TXLNB: variants seen among roughly 807,000 people sequenced by gnomAD.
The protein encoded by TXLNB is beta-taxilin.
In TXLNB, 37 loss-of-function variants were observed where a neutral mutation model predicts 57.4. The ratio of observed to expected loss-of-function variants is 0.64; its 90% CI spans 0.50 to 0.85. TXLNB has a LOEUF of 0.85. Ranked by LOEUF, TXLNB falls within the 40% of genes least tolerant of loss-of-function variation. The probability of loss-of-function intolerance (pLI) is 0.00; values close to 1 mark genes in which losing one functional copy is unlikely to be tolerated. For missense variants in TXLNB, 848 were observed against 825.6 expected, an observed-to-expected ratio of 1.03 and a Z score of -0.33; for synonymous variants, 302 against 309.6, an observed-to-expected ratio of 0.98 and a Z score of 0.26.
intron 3 of TXLNB, among the ~76,000 whole-genome samples, chr6:139,272,805 A>G (rs1036034960): frequency 1.3e-5 from 2 of 152,224 alleles, no homozygotes; most frequent in Admixed American, 1.3e-4. Flanking sequence ...AGGCTGAGGC[A>G]GGCGGATCAC....
At chr6:139,222,656 A>G in the TXLNB span, among the ~76,000 whole-genome samples, 1 of 152,114 alleles carries the variant, frequency 6.6e-6, no homozygotes, top group African/African-American at 2.4e-5. Context: ...AAAATACAAA[A>G]TTAGCCGGGC....
At chr6:139,322,162 C>T in the TXLNB span, among the ~76,000 whole-genome samples, 7 of 152,110 alleles carry the variant, frequency 4.6e-5, no homozygotes, top group Non-Finnish European at 8.8e-5. Flanking sequence ...ATCTCTGCTT[C>T]GGCATTATCA....
At chr6:139,293,370 G>A (rs550236425), upstream of TXLNB, among the ~76,000 whole-genome samples, 3 of 152,180 alleles carry the variant, frequency 2.0e-5, no homozygotes, top group East Asian at 5.8e-4. Flanking sequence ...GATTATAAGC[G>A]TGAGCCATTG....
intron 4 of TXLNB, among the ~76,000 whole-genome samples, chr6:139,266,651 A>G (rs1776622358): frequency 6.6e-6 from 1 of 152,186 alleles, no homozygotes; most frequent in Non-Finnish European, 1.5e-5. Flanking sequence ...TTAGAAGGGA[A>G]GAAGATGGAG....
chr6:139,181,159 A>C, the TXLNB span, among the ~76,000 whole-genome samples: 1 of 152,396 alleles, frequency 6.6e-6, no homozygotes, highest in South Asian at 2.1e-4. Context: ...CCACATAGCC[A>C]AAACTTAAGT....
chr6:139,281,794 C>T (rs1401533517), intron 2 of TXLNB, among the ~76,000 whole-genome samples: 1 of 115,186 alleles, frequency 8.7e-6, no homozygotes, highest in Admixed American at 7.7e-5. Flanking sequence ...GTGATCCGCC[C>T]GCCTCGGCCT....
At chr6:139,275,021 T>C (rs368984121) in intron 3 of TXLNB, among the ~76,000 whole-genome samples, 3 of 152,250 alleles carry the variant, frequency 2.0e-5, no homozygotes, top group South Asian at 2.1e-4. Context: ...TGCAAGAAAA[T>C]TGATACACTG....
chr6:139,263,084 G>A (rs368723736), intron 4 of TXLNB, among the ~76,000 whole-genome samples: 10 of 152,288 alleles, frequency 6.6e-5, no homozygotes, highest in South Asian at 2.1e-4. Context: ...ACAGTCACAC[G>A]ATTTTGATCT....
the TXLNB span, among the ~76,000 whole-genome samples, chr6:139,227,663 G>C: frequency 6.6e-6 from 1 of 152,182 alleles, no homozygotes; most frequent in Non-Finnish European, 1.5e-5. Context: ...GAATAGATAA[G>C]TTGTGGTATA....
the TXLNB span, among the ~76,000 whole-genome samples, chr6:139,160,272 G>A: frequency 6.6e-6 from 1 of 152,314 alleles, no homozygotes. Flanking sequence ...TGCCAACTCT[G>A]TGTAAAGGAG....
chr6:139,281,539 CTTTTTTTTTTTTT>C lies in TXLNB; in HGVS notation c.425-4631_425-4619del, dbSNP rs745650982. ...TCAGTAGGAGAGTGGATCTGGAGTT[CTTTTTTTTTTTTT>C]TTTTTTTTTTTTTTGAGACGGAGTC... On this transcript the variant is annotated intron_variant, in intron 2 of 9. Coordinates refer to ENST00000358430, the MANE Select transcript of TXLNB (RefSeq NM_153235.4). Among the ~76,000 whole-genome samples, 3 of 57,448 alleles carry C rather than the reference CTTTTTTTTTTTTT, an allele frequency of 5.2e-5. 1 individual carries two copies. Among genetic ancestry groups the C allele is most frequent in the East Asian group, 5.1e-4 (1 of 1,958 alleles). The allele number at this position is 57,448 out of a possible 152,430, so 37.7% of individuals were successfully genotyped here. A position where few individuals can be genotyped will look rare whatever the true frequency, so the allele number is the denominator to read the frequency against.
intron 4 of TXLNB, among the ~76,000 whole-genome samples, chr6:139,268,422 C>T (rs1425682423): frequency 6.6e-6 from 1 of 151,972 alleles, no homozygotes; most frequent in Admixed American, 6.6e-5. Context: ...AACACTACAC[C>T]CAACATCTGA....
At chr6:139,164,529 G>A in the TXLNB span, among the ~76,000 whole-genome samples, 1 of 152,128 alleles carries the variant, frequency 6.6e-6, no homozygotes, top group Non-Finnish European at 1.5e-5. Flanking sequence ...AAGAATTGGC[G>A]ATGTAGTTTT....
the TXLNB span, among the ~76,000 whole-genome samples, chr6:139,323,071 G>C: frequency 6.6e-6 from 1 of 152,190 alleles, no homozygotes; most frequent in South Asian, 2.1e-4. Context: ...AACTGACTAG[G>C]AATAATTTCA....
the TXLNB span, among the ~76,000 whole-genome samples, chr6:139,302,702 G>C: frequency 6.6e-6 from 1 of 151,500 alleles, no homozygotes; most frequent in Non-Finnish European, 1.5e-5. Flanking sequence ...AGAATCACTT[G>C]AACCCGGGAA....
the TXLNB span, among the ~76,000 whole-genome samples, chr6:139,215,738 G>T: frequency 6.6e-6 from 1 of 152,118 alleles, no homozygotes; most frequent in African/African-American, 2.4e-5. Flanking sequence ...TGGACAAAGG[G>T]CTAATATCCA....
the TXLNB span, among the ~76,000 whole-genome samples, chr6:139,322,871 C>G: frequency 6.6e-6 from 1 of 152,174 alleles, no homozygotes; most frequent in Admixed American, 6.5e-5. Flanking sequence ...CTGTATGTTG[C>G]ATGGGGGCAG....
At chr6:139,223,486 G>A in the TXLNB span, among the ~76,000 whole-genome samples, 2 of 151,980 alleles carry the variant, frequency 1.3e-5, no homozygotes, top group Admixed American at 1.3e-4. Flanking sequence ...AAGAACAAAG[G>A]CCAATATTTG....
chr6:139,167,599 A>T, the TXLNB span, among the ~76,000 whole-genome samples: 8 of 152,302 alleles, frequency 5.3e-5, 1 homozygote, highest in South Asian at 1.0e-3. Context: ...ATAATGGGGA[A>T]GGAAATTAGT....
Sources: gnomAD v4.1 joint callset for allele counts (sites outside exome capture counted in the v4.1 genomes callset) on GRCh38, gnomAD v4.1.1 for gene constraint, MANE v1.5 for transcripts, NCBI Gene and HGNC (gene_info 2026-07-23, HGNC 2026-07-21) for gene names.